GNB2: variants seen among roughly 807,000 people sequenced by gnomAD.
GNB2 encodes the protein guanine nucleotide-binding protein G(I)/G(S)/G(T) subunit beta-2.
In GNB2, 7 loss-of-function variants were observed where a neutral mutation model predicts 40.7. The ratio of observed to expected loss-of-function variants is 0.17; its 90% confidence interval spans 0.10 to 0.32. The LOEUF (loss-of-function observed/expected upper bound fraction) is 0.32. GNB2 is among the 10% of genes least tolerant of loss of function. The probability of loss-of-function intolerance (pLI) is 1.00; values close to 1 mark genes in which losing one functional copy is unlikely to be tolerated. For synonymous variants in GNB2, 254 were observed against 191.2 expected (o/e 1.33, Z -2.71); for missense variants, 286 against 473.0 (o/e 0.60, Z 3.67).
rs543273084 is a variant in GNB2 at position 100,678,975 on chromosome 7, A to G, written c.*174A>G. The G allele has an allele frequency of 1.5e-4, 88 of 593,802 alleles. No homozygotes were observed. The highest frequency in any genetic ancestry group is 3.0e-4 in the Admixed American group (10 of 33,434). The allele number at this position is 593,802 out of a possible 1,614,324, so 36.8% of individuals were successfully genotyped here. On this transcript the variant is annotated 3_prime_UTR_variant, in exon 10 of 10. Transcript: ENST00000303210. ...CCGGGGCCCCCACTGTGGAGATAAG[A>G]AGGGGATGGAATGGGGGAAGAGGAG...
intron 1 of GNB2, among the ~76,000 whole-genome samples, chr7:100,674,195 C>T (rs982102191): frequency 8.5e-5 from 13 of 152,082 alleles, no homozygotes; most frequent in Non-Finnish European, 1.5e-4. Flanking sequence ...CTCTTGCTCC[C>T]TCGGAAGTTG....
Position 100,679,061 on chromosome 7 carries a change from C to T in GNB2, c.*260C>T, listed in dbSNP as rs959560733. The T allele has an allele frequency of 5.4e-5, 24 of 443,966 alleles. No individual in the cohort carries two copies. The highest frequency in any genetic ancestry group is 2.0e-4 in the East Asian group (6 of 30,278). The allele number at this position is 443,966 out of a possible 1,614,324, so 27.5% of individuals were successfully genotyped here. On this transcript the variant is annotated 3_prime_UTR_variant, in exon 10 of 10. Transcript: ENST00000303210. ...TTGGGGCCTCACCCCTCTGGAGGGC[C>T]GGAGGCAGGAGGTGGAAACCCCAGG...
chr7:100,678,011 T>C, intron 7 of GNB2, 87 bp from the exon 8 acceptor site: 2 of 1,194,250 alleles, frequency 1.7e-6, no homozygotes, highest in East Asian at 4.7e-5. Context: ...TTCCACAGGG[T>C]TGGGCTCACG....
chr7:100,677,250 C>A, intron 4 of GNB2, 102 bp from the exon 5 acceptor site: 1 of 886,314 alleles, frequency 1.1e-6, no homozygotes, highest in Non-Finnish European at 1.9e-6. Context: ...GCACTCCAGC[C>A]TGCACAACAG....
At chr7:100,676,135 C>A (rs1804341300) in intron 1 of GNB2, 42 bp from the exon 2 acceptor site, 1 of 570,408 alleles carries the variant, frequency 1.8e-6, no homozygotes, top group Admixed American at 3.5e-5. Context: ...CTCCCCACTT[C>A]CCCGGCGGCC....
rs1804353160 is a variant in GNB2 at position 100,676,584 on chromosome 7, TTGG to T, written c.96+15_96+17del. ...TCAACACTGACCCAGGTGAGGGCAC[TTGG>T]TGGCCAGAGCGTAACTAGGGGTTGA... On this transcript the variant is annotated intron_variant, in intron 3 of 9. Coordinates refer to ENST00000303210, the MANE Select transcript of GNB2 (RefSeq NM_005273.4). The T allele has an allele frequency of 1.2e-6, 2 of 1,607,038 alleles. No homozygotes were observed. Among genetic ancestry groups the T allele is most frequent in the Non-Finnish European group, 1.7e-6 (2 of 1,173,512 alleles).
chr7:100,677,168 G>A (rs977561746), intron 4 of GNB2, 184 bp from the exon 5 acceptor site: 2 of 609,912 alleles, frequency 3.3e-6, no homozygotes, highest in South Asian at 1.9e-5. Context: ...CCAGCTATGC[G>A]GGGGAGGCTG....
At chr7:100,675,287 T>C (rs1365579782) in intron 1 of GNB2, 2 of 151,872 alleles carry the variant, frequency 1.3e-5, no homozygotes, top group Non-Finnish European at 2.9e-5. Context: ...CCGTAATTAC[T>C]CGAGAGCGGC....
In GNB2 at chr7:100,678,251, G is replaced by A; in HGVS notation, c.651G>A (p.Met217Ile). 6.2e-7 allele frequency: 1 copy of A among 1,614,018 alleles called. No homozygotes were observed. Among genetic ancestry groups the A allele is most frequent in the Non-Finnish European group, 8.5e-7 (1 of 1,179,992 alleles). The change falls in exon 8 of 10, where the codon ATG becomes ATA. Residue 217 changes from methionine to isoleucine, a missense_variant. Transcript: ENST00000303210. Reference protein sequence around the residue: ...SIKLWDVRDSMCRQTFIGHES... With the variant: ...SIKLWDVRDSICRQTFIGHES... ...AGCTGTGGGACGTGCGGGATTCCAT[G>A]TGCCGACAGACCTTCATCGGCCATG...
chr7:100,676,063 C>G, intron 1 of GNB2, 114 bp from the exon 2 acceptor site: 1 of 500,824 alleles, frequency 2.0e-6, no homozygotes, highest in Non-Finnish European at 3.5e-6. Flanking sequence ...GGACGGCGGC[C>G]GCGCCGCCCC....
chr7:100,674,263 C>T (rs1210909059), intron 1 of GNB2, among the ~76,000 whole-genome samples: 9 of 150,144 alleles, frequency 6.0e-5, no homozygotes, highest in Admixed American at 6.0e-4. Context: ...CCCACCGCCA[C>T]CCTCCCGCCT....
rs1023579222 is a variant in GNB2 at position 100,673,791 on chromosome 7, TG to T, written c.-218del. 1 of 180,360 alleles carries T rather than the reference TG, an allele frequency of 5.5e-6. No individual in the cohort carries two copies. The highest frequency in any genetic ancestry group is 1.5e-4 in the East Asian group (1 of 6,484). 11.2% of individuals were successfully genotyped at this position (180,360 alleles called of 1,614,324 possible). On this transcript the variant is annotated 5_prime_UTR_variant, in exon 1 of 10. Transcript: ENST00000303210. Reference sequence around the variant, plus strand: ...GGGGAGGCAGCGCTGGCGGCGGGGCTGGGGCCACTGAGGAAATCCATCCGCG... The same window carrying T: ...GGGGAGGCAGCGCTGGCGGCGGGGCTGGGCCACTGAGGAAATCCATCCGCG...
Position 100,676,521 on chromosome 7 carries a change from G to A in GNB2, c.58-14G>A, listed in dbSNP as rs1562857552. 6.2e-7 allele frequency: 1 copy of A among 1,605,854 alleles called. No homozygotes were observed. Among genetic ancestry groups the A allele is most frequent in the Non-Finnish European group, 8.5e-7 (1 of 1,172,584 alleles). ...TCTTCTCTCGCGTCTCTCTGGCTCT[G>A]CCATCCCTTACAGGATGCCCGAAAA... On this transcript the variant is annotated splice_polypyrimidine_tract_variant and intron_variant, in intron 2 of 9. Transcript: ENST00000303210.
chr7:100,675,889 A>C, intron 1 of GNB2: 4 of 215,242 alleles, frequency 1.9e-5, no homozygotes, highest in Non-Finnish European at 1.8e-5. Context: ...CCCCCGCCCC[A>C]GTTCCTGCCG....
intron 1 of GNB2, among the ~76,000 whole-genome samples, chr7:100,674,364 G>T (rs1804305985): frequency 6.6e-6 from 1 of 151,868 alleles, no homozygotes; most frequent in Admixed American, 6.6e-5. Flanking sequence ...AAGCAGGCAA[G>T]GCCGCGCGCC....
At chr7:100,676,358 A>G (rs368703120) in intron 2 of GNB2, 36 bp downstream of exon 2, 3 of 1,557,776 alleles carry the variant, frequency 1.9e-6, no homozygotes, top group Non-Finnish European at 2.6e-6. Flanking sequence ...ATTCATGTGT[A>G]CACCGCCCGG....
intron 7 of GNB2, 56 bp downstream of exon 7, chr7:100,677,874 G>A (rs2131351067): frequency 6.8e-7 from 1 of 1,465,454 alleles, no homozygotes; most frequent in South Asian, 1.2e-5. Context: ...CTGCCTCAGG[G>A]GCCACCGTCC....
chr7:100,677,489 G>GCTC lies in GNB2; in HGVS notation c.268-7_268-5dup, dbSNP rs753256435. 21 of 1,613,074 alleles carry GCTC rather than the reference G, an allele frequency of 1.3e-5. No individual in the cohort carries two copies. In the Admixed American group the frequency reaches 2.5e-4, roughly 19 times the overall value. ...TGGCTCTGACCCCGGCGCTTCCCCT[G>GCTC]CTCCGCAGGTCCACGCCATCCCGCT... On this transcript the variant is annotated splice_polypyrimidine_tract_variant and intron_variant, in intron 5 of 9. Transcript: ENST00000303210.
chr7:100,677,704 G>C (rs1169516334), intron 6 of GNB2, 44 bp downstream of exon 6: 2 of 1,612,346 alleles, frequency 1.2e-6, no homozygotes, highest in African/African-American at 1.3e-5. Flanking sequence ...GGGTTGGGGG[G>C]TGCACTGCCC....
Sources: gnomAD v4.1 joint callset for allele counts (sites outside exome capture counted in the v4.1 genomes callset) on GRCh38, gnomAD v4.1.1 for gene constraint, MANE v1.5 for transcripts, NCBI Gene and HGNC (gene_info 2026-07-23, HGNC 2026-07-21) for gene names.